Variants in LRRIQ1 observed in about 807,000 individuals in gnomAD.
LRRIQ1 encodes the protein leucine rich repeats and IQ motif containing 1, also known as leucine-rich repeat- and IQ domain-containing protein 1.
Under a neutral mutation model 211.9 loss-of-function variants are expected in LRRIQ1, and 210 were observed. That is an observed-to-expected ratio of 0.99 (90% CI 0.89 to 1.11). The LOEUF is 1.11. Among genes scored for constraint, LRRIQ1 ranks in the 50% most tolerant of loss-of-function variants. LRRIQ1 has a pLI of 0.00. For synonymous variants in LRRIQ1, 699 were observed against 650.1 expected (o/e 1.08, Z -1.14); for missense variants, 2,136 against 1,939.5 (o/e 1.10, Z -1.90).
chr12:85,220,529 C>T (rs1014184706), intron 24 of LRRIQ1, among the ~76,000 whole-genome samples: 2 of 151,706 alleles, frequency 1.3e-5, no homozygotes, highest in African/African-American at 2.4e-5. Context: ...TAAAACTAAT[C>T]TGCTTTCCTC....
chr12:85,155,123 G>T (rs1890471802), intron 23 of LRRIQ1, among the ~76,000 whole-genome samples: 2 of 151,372 alleles, frequency 1.3e-5, no homozygotes, highest in Admixed American at 1.3e-4. Flanking sequence ...TAAGTTACTG[G>T]TGATTCATTT....
chr12:85,065,463 G>A (rs759948320), intron 9 of LRRIQ1, 49 bp downstream of exon 9: 2 of 1,375,634 alleles, frequency 1.5e-6, no homozygotes, highest in Non-Finnish European at 1.9e-6. Flanking sequence ...AATATAAAAT[G>A]GATTTATGTT....
At chr12:85,117,711 G>T (rs1046272425) in intron 15 of LRRIQ1, among the ~76,000 whole-genome samples, 1 of 152,136 alleles carries the variant, frequency 6.6e-6, no homozygotes, top group Non-Finnish European at 1.5e-5. Flanking sequence ...CTTGAAAAAG[G>T]TCCAGCAACA....
intron 8 of LRRIQ1, among the ~76,000 whole-genome samples, chr12:85,059,752 A>T (rs185061188): frequency 9.9e-5 from 15 of 152,078 alleles, no homozygotes; most frequent in African/African-American, 3.6e-4. Flanking sequence ...GGACGGGTTG[A>T]TGGGTGCAGC....
chr12:85,132,009 A>G (rs1888798637), intron 18 of LRRIQ1, among the ~76,000 whole-genome samples: 2 of 152,044 alleles, frequency 1.3e-5, no homozygotes, highest in African/African-American at 4.8e-5. Context: ...CAGATTCATG[A>G]GGGAGATATA....
chr12:85,237,063 T>A (rs1316633425), intron 26 of LRRIQ1, among the ~76,000 whole-genome samples: 3 of 152,070 alleles, frequency 2.0e-5, no homozygotes. Context: ...AATTACATAT[T>A]ATTGTGTTTA....
chr12:85,137,299 C>T (rs1889203556), intron 18 of LRRIQ1, among the ~76,000 whole-genome samples: 1 of 151,166 alleles, frequency 6.6e-6, no homozygotes, highest in African/African-American at 2.4e-5. Context: ...CTACATTGTA[C>T]TTGGAGTTAT....
chr12:85,104,885 C>A (rs1886658438), intron 14 of LRRIQ1, among the ~76,000 whole-genome samples: 1 of 152,012 alleles, frequency 6.6e-6, no homozygotes, highest in African/African-American at 2.4e-5. Context: ...GTAGTTGGAA[C>A]ATTTTACAAC....
At chr12:85,152,767 G>A (rs1294458673) in intron 20 of LRRIQ1, among the ~76,000 whole-genome samples, 1 of 151,514 alleles carries the variant, frequency 6.6e-6, no homozygotes, top group African/African-American at 2.4e-5. Flanking sequence ...AATCTTTGAA[G>A]TTTTAGTTTT....
Position 85,047,309 on chromosome 12 carries a change from G to C in LRRIQ1, c.517G>C (p.Ala173Pro), listed in dbSNP as rs183333336. ...AGAAAAATGTAGACAGTCTTTTGAG[G>C]CTTGGCAAGAGAAACAGAAGGAATT... ...VEEKCRQSFE[A>P]WQEKQKELED... The change falls in exon 6 of 27, where the codon GCT (alanine) becomes CCT (proline). Residue 173 changes from alanine to proline, a missense_variant. Transcript: ENST00000393217. The C allele has an allele frequency of 3.7e-6, 6 of 1,612,316 alleles. No homozygotes were observed. The highest frequency in any genetic ancestry group is 5.1e-6 in the Non-Finnish European group (6 of 1,179,320).
At chr12:85,153,849 A>G (rs1890387380) in intron 22 of LRRIQ1, 91 bp downstream of exon 22, 1 of 963,902 alleles carries the variant, frequency 1.0e-6, no homozygotes, top group Non-Finnish European at 1.5e-6. Context: ...AAGAATACCT[A>G]TATTAGTTTT....
intron 24 of LRRIQ1, chr12:85,162,771 G>A (rs1284540288): frequency 4.4e-6 from 2 of 455,742 alleles, no homozygotes; most frequent in Non-Finnish European, 8.8e-6. Context: ...AGTGAATTTT[G>A]TTTCGTTTGC....
In LRRIQ1 at chr12:85,164,156, T is replaced by G. The variant is rs568503636; in HGVS notation, c.4822+3442T>G. Among the ~76,000 whole-genome samples the G allele has an allele frequency of 7.2e-5, 11 of 152,336 alleles. No homozygotes were observed. In the South Asian group the frequency reaches 2.3e-3, roughly 32 times the overall value. On this transcript the variant is annotated intron_variant, in intron 24 of 26. Transcript: ENST00000393217. ...ATATTGTCTTAGAACTCAAAACAAT[T>G]TCTTGGTTATTGCCTTAAAGATCTG...
chr12:85,154,573 G>T (rs1254212435), intron 23 of LRRIQ1, among the ~76,000 whole-genome samples: 1 of 151,204 alleles, frequency 6.6e-6, no homozygotes, highest in Non-Finnish European at 1.5e-5. Context: ...TAGGACTTGC[G>T]AAATGTTCTA....
chr12:85,198,052 A>ATAATTT lies in LRRIQ1; in HGVS notation c.4823-31465_4823-31464insTAATTT, dbSNP rs1565898739. ...ATATAACATATATAATATATTATAT[A>ATAATTT]ATTATATATAACATATTATTTATAT... On this transcript the variant is annotated intron_variant, in intron 24 of 26. Coordinates refer to ENST00000393217, the MANE Select transcript of LRRIQ1 (RefSeq NM_001079910.2). 1.4e-3 allele frequency among the ~76,000 whole-genome samples: 54 copies of ATAATTT among 39,452 alleles called. No homozygotes were observed. In the African/African-American group the frequency reaches 0.015, roughly 11 times the overall value. The allele number at this position is 39,452 out of a possible 152,430, so 25.9% of individuals were successfully genotyped here. A position where few individuals can be genotyped will look rare whatever the true frequency, so the allele number is the denominator to read the frequency against.
At chr12:85,131,995 T>C (rs956249364) in intron 18 of LRRIQ1, among the ~76,000 whole-genome samples, 2 of 152,134 alleles carry the variant, frequency 1.3e-5, no homozygotes, top group African/African-American at 4.8e-5. Context: ...TTTCTGACCC[T>C]AAGCAGATTC....
At chr12:85,229,397 C>T (rs1435119945) in intron 24 of LRRIQ1, 120 bp from the exon 25 acceptor site, 4 of 713,766 alleles carry the variant, frequency 5.6e-6, no homozygotes, top group Non-Finnish European at 8.8e-6. Flanking sequence ...ACAGATTTAG[C>T]TCTCATAAGT....
exon 2 of LRRIQ1, chr12:85,263,010 C>T (rs990132412): frequency 4.0e-6 from 4 of 987,888 alleles, no homozygotes; most frequent in Non-Finnish European, 4.8e-6. Flanking sequence ...TCCTGTACAA[C>T]TCAGTGGTGG....
rs183797380 is a variant in LRRIQ1, at chr12:85,206,181, G to A, written c.4823-23336G>A. On this transcript the variant is annotated intron_variant, in intron 24 of 26. Coordinates refer to ENST00000393217, the MANE Select transcript of LRRIQ1 (RefSeq NM_001079910.2). ...ACTGCTGACTTCCAGGTGGGCTTTG[G>A]CAGTGTTAGTAATGGCAGTGCTGAG... is the stretch of plus-strand genomic sequence containing the variant. Among the ~76,000 whole-genome samples the A allele has an allele frequency of 2.4e-3, 371 of 152,316 alleles. 1 individual carries two copies. The highest frequency in any genetic ancestry group is 8.6e-3 in the African/African-American group (356 of 41,566).
Sources: gnomAD v4.1 joint callset for allele counts (sites outside exome capture counted in the v4.1 genomes callset) on GRCh38, gnomAD v4.1.1 for gene constraint, MANE v1.5 for transcripts, NCBI Gene and HGNC (gene_info 2026-07-23, HGNC 2026-07-21) for gene names.